Variants in SLC9C2 observed in about 807,000 individuals in gnomAD.
SLC9C2 encodes the protein solute carrier family 9 member C2 (putative).
SLC9C2 carries 75 observed loss-of-function variants against 140.2 expected under a neutral mutation model. The ratio of observed to expected loss-of-function variants is 0.53; its 90% CI spans 0.44 to 0.65. The LOEUF (loss-of-function observed/expected upper bound fraction) is 0.65, where lower values mean the gene tolerates loss of function less well. Ranked by LOEUF, SLC9C2 falls within the 30% of genes least tolerant of loss-of-function variation. SLC9C2 has a pLI of 0.00. For synonymous variants in SLC9C2, 375 were observed against 420.9 expected (o/e 0.89, Z 1.34); for missense variants, 1,074 against 1,331.8 (o/e 0.81, Z 3.01).
At chr1:173,600,428 G>A (rs571970134) in intron 2 of SLC9C2, among the ~76,000 whole-genome samples, 2 of 151,580 alleles carry the variant, frequency 1.3e-5, no homozygotes, top group South Asian at 2.1e-4. Context: ...TGTTTTTCAC[G>A]TTTAGTACAA....
chr1:173,517,519 A>G lies in SLC9C2; in HGVS notation c.2907+18T>C, dbSNP rs778067615. Reference sequence around the variant, plus strand: ...CTTGAAGAATAATTAATAACTCATGACAGAACCATTTTCCTACCTGTAAAC... The same window carrying G: ...CTTGAAGAATAATTAATAACTCATGGCAGAACCATTTTCCTACCTGTAAAC... On this transcript the variant is annotated intron_variant, in intron 23 of 27. Transcript: ENST00000367714. 6 of 1,582,410 alleles carry G rather than the reference A, an allele frequency of 3.8e-6. No individual in the cohort carries two copies. In the South Asian group the frequency reaches 7.0e-5, roughly 19 times the overall value.
intron 15 of SLC9C2, 141 bp from the exon 16 acceptor site, chr1:173,534,823 A>T (rs1319092475): frequency 1.5e-6 from 1 of 656,398 alleles, no homozygotes; most frequent in Non-Finnish European, 2.2e-6. Flanking sequence ...AATCAAAAGC[A>T]TATTTTCTAT....
intron 7 of SLC9C2, among the ~76,000 whole-genome samples, chr1:173,577,261 G>T (rs750326134): frequency 6.6e-6 from 1 of 152,194 alleles, no homozygotes; most frequent in Non-Finnish European, 1.5e-5. Context: ...AGCCCTCAAG[G>T]TGTCCTTTAA....
At chr1:173,557,559 A>C in intron 9 of SLC9C2, 51 bp from the exon 10 acceptor site, 1 of 1,525,268 alleles carries the variant, frequency 6.6e-7, no homozygotes, top group Middle Eastern at 1.8e-4. Context: ...TATTAATGTT[A>C]TTCATAGTTG....
intron 12 of SLC9C2, among the ~76,000 whole-genome samples, chr1:173,548,123 G>A (rs1447599150): frequency 1.3e-5 from 2 of 152,118 alleles, no homozygotes; most frequent in African/African-American, 4.8e-5. Context: ...ACATTATCTT[G>A]GCAGAGGCCA....
At chr1:173,530,823 C>A (rs1022616359) in intron 17 of SLC9C2, among the ~76,000 whole-genome samples, 1 of 152,072 alleles carries the variant, frequency 6.6e-6, no homozygotes, top group African/African-American at 2.4e-5. Flanking sequence ...TGGCGAGGGA[C>A]TGGGTAACAA....
intron 13 of SLC9C2, among the ~76,000 whole-genome samples, chr1:173,540,203 C>T (rs918743084): frequency 1.3e-5 from 2 of 152,156 alleles, no homozygotes; most frequent in Non-Finnish European, 2.9e-5. Context: ...TGGAAGACAA[C>T]TAGCATCAGC....
intron 5 of SLC9C2, 65 bp from the exon 6 acceptor site, chr1:173,583,687 G>A: frequency 1.2e-6 from 1 of 827,378 alleles, no homozygotes. Flanking sequence ...TGCACAGGAA[G>A]CAGAAACAGA....
intron 4 of SLC9C2, among the ~76,000 whole-genome samples, chr1:173,595,113 C>T (rs530881288): frequency 3.3e-5 from 5 of 152,216 alleles, no homozygotes; most frequent in South Asian, 4.2e-4. Flanking sequence ...AACCTGACCT[C>T]GTAATCTGCC....
chr1:173,595,117 A>G (rs1666370479), intron 4 of SLC9C2, among the ~76,000 whole-genome samples: 1 of 152,036 alleles, frequency 6.6e-6, no homozygotes, highest in African/African-American at 2.4e-5. Flanking sequence ...TGACCTCGTA[A>G]TCTGCCTGCC....
intron 13 of SLC9C2, among the ~76,000 whole-genome samples, chr1:173,542,983 A>C (rs907877702): frequency 6.6e-6 from 1 of 152,180 alleles, no homozygotes. Flanking sequence ...ACTCCTATTC[A>C]ACATAGTGTT....
At chr1:173,586,113 G>A (rs748050479) in intron 5 of SLC9C2, among the ~76,000 whole-genome samples, 1 of 152,054 alleles carries the variant, frequency 6.6e-6, no homozygotes, top group African/African-American at 2.4e-5. Context: ...AGAGCAGGAA[G>A]CAAAATGAGG....
At chr1:173,547,162 G>C (rs1662908345) in intron 13 of SLC9C2, among the ~76,000 whole-genome samples, 1 of 151,932 alleles carries the variant, frequency 6.6e-6, no homozygotes, top group Non-Finnish European at 1.5e-5. Context: ...TATAACTCCA[G>C]TTTAAAATGT....
At chr1:173,520,535 C>G (rs12745058) in intron 22 of SLC9C2, among the ~76,000 whole-genome samples, 1 of 151,976 alleles carries the variant, frequency 6.6e-6, no homozygotes. Flanking sequence ...TTTGTCAATC[C>G]CATGCCTAGA....
At chr1:173,576,249 A>C (rs994401787) in intron 8 of SLC9C2, among the ~76,000 whole-genome samples, 2 of 152,222 alleles carry the variant, frequency 1.3e-5, no homozygotes, top group Non-Finnish European at 2.9e-5. Context: ...ATTTATTACC[A>C]GGAGTAAAGG....
chr1:173,537,832 C>G (rs1422150192), intron 13 of SLC9C2, among the ~76,000 whole-genome samples: 1 of 152,034 alleles, frequency 6.6e-6, no homozygotes, highest in African/African-American at 2.4e-5. Flanking sequence ...CCTAAAATAG[C>G]AGAAAAATTA....
intron 24 of SLC9C2, 101 bp downstream of exon 24, chr1:173,509,466 CA>C: frequency 8.9e-7 from 1 of 1,129,536 alleles, no homozygotes; most frequent in Non-Finnish European, 1.2e-6. Context: ...AAATCAAACA[CA>C]AATTTCCTTT....
intron 27 of SLC9C2, among the ~76,000 whole-genome samples, chr1:173,502,128 C>A (rs1393857230): frequency 6.6e-6 from 1 of 151,944 alleles, no homozygotes; most frequent in East Asian, 1.9e-4. Context: ...AAAAAAGTAG[C>A]CAGGCATGGT....
chr1:173,523,474 C>T lies in SLC9C2; in HGVS notation c.2640+495G>A, dbSNP rs138368320. 1.3e-4 allele frequency among the ~76,000 whole-genome samples: 20 copies of T among 152,334 alleles called. No homozygotes were observed. The East Asian group carries it at 2.7e-3, about 21-fold the overall frequency. On this transcript the variant is annotated intron_variant, in intron 21 of 27. Coordinates refer to ENST00000367714, the MANE Select transcript of SLC9C2 (RefSeq NM_178527.4). ...TCCCAAAACCTAGAACAGTCTCTGG[C>T]ATGTAGAGGATATTCAATAGATATT...
Sources: allele counts gnomAD v4.1 joint callset (sites outside exome capture counted in the v4.1 genomes callset), GRCh38; gene constraint gnomAD v4.1.1; transcripts MANE v1.5; gene names NCBI Gene and HGNC (gene_info 2026-07-23, HGNC 2026-07-21).